Variants in CTNND2 observed in about 807,000 individuals in gnomAD.
CTNND2 encodes the protein catenin delta 2.
Under a neutral mutation model 144.4 loss-of-function variants are expected in CTNND2, and 22 were observed. That is an observed-to-expected ratio of 0.15 (90% confidence interval 0.11 to 0.22). The LOEUF (loss-of-function observed/expected upper bound fraction) is 0.22. CTNND2 is among the 10% of genes least tolerant of loss of function. The pLI is 1.00. For synonymous variants in CTNND2, 751 were observed against 695.6 expected, an observed-to-expected ratio of 1.08 and a Z score of -1.25; for missense variants, 1,353 against 1,618.8, an observed-to-expected ratio of 0.84 and a Z score of 2.82.
intron 11 of CTNND2, among the ~76,000 whole-genome samples, chr5:11,191,108 G>A (rs772288355): frequency 6.6e-6 from 1 of 152,316 alleles, no homozygotes; most frequent in Non-Finnish European, 1.5e-5. Context: ...AGGGCCTAGA[G>A]CAGGAGCAAG....
At chr5:11,706,385 C>T (rs1449761276) in intron 2 of CTNND2, among the ~76,000 whole-genome samples, 3 of 152,170 alleles carry the variant, frequency 2.0e-5, no homozygotes, top group Non-Finnish European at 4.4e-5. Context: ...AGGGATGAGG[C>T]CTTCTCAACA....
In CTNND2 at chr5:11,213,192, G is replaced by T. The variant is rs1008742260; in HGVS notation, c.1762-13531C>A. On this transcript the variant is annotated intron_variant, in intron 10 of 21. Transcript: ENST00000304623. ...AGCTCTGTGTTCTGAGCCCCAGCAA[G>T]GTAACTGGTGGAGCCATCTTGTGTT... Among the ~76,000 whole-genome samples, 4 of 152,204 alleles carry T rather than the reference G, an allele frequency of 2.6e-5. No homozygotes were observed. In the East Asian group the frequency reaches 7.8e-4, roughly 30 times the overall value.
intron 9 of CTNND2, among the ~76,000 whole-genome samples, chr5:11,246,617 T>A (rs1743032353): frequency 6.6e-6 from 1 of 151,214 alleles, no homozygotes; most frequent in African/African-American, 2.4e-5. Flanking sequence ...GGCCACCCAG[T>A]TGGTGGTGCT....
chr5:11,304,079 G>A (rs560966276), intron 9 of CTNND2, among the ~76,000 whole-genome samples: 1 of 152,044 alleles, frequency 6.6e-6, no homozygotes, highest in East Asian at 1.9e-4. Flanking sequence ...ACGTGGAACT[G>A]TGAGTCCATT....
chr5:11,240,495 AACACACACACCCAAC>A (rs1447323473), intron 9 of CTNND2, among the ~76,000 whole-genome samples: 135 of 95,068 alleles, frequency 1.4e-3, no homozygotes, highest in Non-Finnish European at 2.1e-3. Context: ...ACACACACCC[AACACACACACCCAAC>A]ACACACACAC....
intron 1 of CTNND2, among the ~76,000 whole-genome samples, chr5:11,751,775 T>A (rs1022873121): frequency 2.0e-5 from 3 of 151,920 alleles, no homozygotes; most frequent in African/African-American, 7.2e-5. Flanking sequence ...TTTAACTTCT[T>A]TGGGAAATCG....
At chr5:11,177,831 T>C (rs2149794926) in intron 11 of CTNND2, among the ~76,000 whole-genome samples, 1 of 152,296 alleles carries the variant, frequency 6.6e-6, no homozygotes, top group Non-Finnish European at 1.5e-5. Flanking sequence ...TTTCCTTAGG[T>C]GAATTATGAT....
intron 1 of CTNND2, among the ~76,000 whole-genome samples, chr5:11,803,940 C>T (rs993200499): frequency 2.6e-5 from 4 of 151,858 alleles, no homozygotes; most frequent in African/African-American, 9.7e-5. Context: ...TTTTTTTAAA[C>T]TCATTTTTGC....
chr5:11,553,907 T>A (rs1013415938), intron 3 of CTNND2, among the ~76,000 whole-genome samples: 5 of 152,200 alleles, frequency 3.3e-5, no homozygotes, highest in African/African-American at 9.6e-5. Context: ...TGAAGTAAGA[T>A]GACATTTAGG....
chr5:11,829,545 A>G (rs775135686), intron 1 of CTNND2, among the ~76,000 whole-genome samples: 14 of 152,194 alleles, frequency 9.2e-5, no homozygotes, highest in Non-Finnish European at 1.5e-4. Context: ...GTCAGCTTCC[A>G]TATGGTGTTG....
chr5:11,355,906 T>A (rs984681222), intron 8 of CTNND2, among the ~76,000 whole-genome samples: 1 of 151,868 alleles, frequency 6.6e-6, no homozygotes, highest in Non-Finnish European at 1.5e-5. Flanking sequence ...TACAGAAATA[T>A]ACTAGCTGAA....
intron 1 of CTNND2, among the ~76,000 whole-genome samples, chr5:11,809,822 G>A (rs901358983): frequency 6.6e-6 from 1 of 152,158 alleles, no homozygotes; most frequent in Non-Finnish European, 1.5e-5. Context: ...AGGGTACAGG[G>A]CATCTGAGAA....
chr5:11,472,722 A>G (rs1157040414), intron 3 of CTNND2, among the ~76,000 whole-genome samples: 1 of 152,222 alleles, frequency 6.6e-6, no homozygotes. Context: ...CATTGTTAGA[A>G]CTGATATTGA....
At chr5:11,447,273 C>A (rs539163312) in intron 3 of CTNND2, among the ~76,000 whole-genome samples, 1 of 150,648 alleles carries the variant, frequency 6.6e-6, no homozygotes, top group East Asian at 2.0e-4. Flanking sequence ...ACCCGGGAGG[C>A]GGAGGTTGCA....
intron 2 of CTNND2, among the ~76,000 whole-genome samples, chr5:11,723,698 A>C (rs1786826707): frequency 6.6e-6 from 1 of 152,324 alleles, no homozygotes; most frequent in African/African-American, 2.4e-5. Flanking sequence ...TGGTGACCCA[A>C]CAGTAAGGAG....
At chr5:11,724,430 A>T (rs1339039968) in intron 2 of CTNND2, among the ~76,000 whole-genome samples, 1 of 152,166 alleles carries the variant, frequency 6.6e-6, no homozygotes, top group African/African-American at 2.4e-5. Context: ...CTATTAGGCA[A>T]TTTCAGGTCT....
chr5:11,121,811 G>C (rs947520347), intron 12 of CTNND2, among the ~76,000 whole-genome samples: 1 of 152,160 alleles, frequency 6.6e-6, no homozygotes, highest in South Asian at 2.1e-4. Context: ...CCAGGATACT[G>C]AAGATCAAAC....
intron 12 of CTNND2, among the ~76,000 whole-genome samples, chr5:11,129,104 AAT>A (rs1297191561): frequency 8.6e-4 from 20 of 23,278 alleles, no homozygotes; most frequent in Admixed American, 9.4e-4. Context: ...ATATAAATAA[AAT>A]ATATATATTA....
chr5:11,321,648 G>T (rs1752045156), intron 9 of CTNND2, among the ~76,000 whole-genome samples: 1 of 152,072 alleles, frequency 6.6e-6, no homozygotes, highest in South Asian at 2.1e-4. Context: ...GAGAAAGATG[G>T]GAAACTTGTG....
Sources: allele counts gnomAD v4.1 joint callset (sites outside exome capture counted in the v4.1 genomes callset), GRCh38; gene constraint gnomAD v4.1.1; transcripts MANE v1.5; gene names NCBI Gene and HGNC (gene_info 2026-07-23, HGNC 2026-07-21).